ROR1: variants seen among roughly 807,000 people sequenced by gnomAD.
ROR1 encodes ROR family WNT receptor 1.
Under a neutral mutation model 78.8 loss-of-function variants are expected in ROR1, and 19 were observed. The ratio of observed to expected loss-of-function variants is 0.24; its 90% CI spans 0.17 to 0.35. ROR1 has a LOEUF of 0.35. ROR1 is among the 10% of genes least tolerant of loss of function. The pLI is 1.00. For synonymous variants in ROR1, 386 were observed against 433.6 expected (o/e 0.89, Z 1.36); for missense variants, 917 against 1,177.8 (o/e 0.78, Z 3.24).
chr1:64,147,615 C>A (rs561596048), intron 7 of ROR1, among the ~76,000 whole-genome samples: 5 of 152,204 alleles, frequency 3.3e-5, no homozygotes, highest in African/African-American at 9.6e-5. Context: ...ATCATGGAAT[C>A]CTATTTTTAT....
intron 1 of ROR1, among the ~76,000 whole-genome samples, chr1:63,831,411 A>C (rs982446726): frequency 3.3e-5 from 5 of 152,180 alleles, no homozygotes; most frequent in African/African-American, 1.2e-4. Flanking sequence ...CTGAAGCTCA[A>C]CTTTTGTCTT....
chr1:64,090,211 A>G (rs1455091137), intron 4 of ROR1, among the ~76,000 whole-genome samples: 1 of 152,208 alleles, frequency 6.6e-6, no homozygotes, highest in Non-Finnish European at 1.5e-5. Flanking sequence ...CAATGTCCAG[A>G]TCAATTGCAT....
chr1:64,035,240 T>G (rs981544187), intron 2 of ROR1, among the ~76,000 whole-genome samples: 1 of 152,190 alleles, frequency 6.6e-6, no homozygotes, highest in African/African-American at 2.4e-5. Context: ...AATTTGAAAA[T>G]TAACTGATTT....
chr1:63,838,864 A>C (rs1645033602), intron 1 of ROR1, among the ~76,000 whole-genome samples: 2 of 152,156 alleles, frequency 1.3e-5, no homozygotes, highest in African/African-American at 4.8e-5. Flanking sequence ...CTGTATTTTT[A>C]CTGCATCTTT....
At chr1:63,999,706 G>A (rs1646367504) in intron 1 of ROR1, among the ~76,000 whole-genome samples, 1 of 152,094 alleles carries the variant, frequency 6.6e-6, no homozygotes, top group South Asian at 2.1e-4. Flanking sequence ...ATGGATGGAT[G>A]GATAAATCAA....
intron 1 of ROR1, among the ~76,000 whole-genome samples, chr1:63,938,152 A>G (rs906139416): frequency 1.3e-5 from 2 of 152,188 alleles, no homozygotes; most frequent in Non-Finnish European, 2.9e-5. Context: ...TATCAGAAAA[A>G]AAATGTGTCT....
chr1:63,884,412 T>G (rs1645343275), intron 1 of ROR1, among the ~76,000 whole-genome samples: 1 of 152,098 alleles, frequency 6.6e-6, no homozygotes, highest in Non-Finnish European at 1.5e-5. Context: ...TGCCATGATC[T>G]GAGGATACCA....
intron 1 of ROR1, among the ~76,000 whole-genome samples, chr1:63,906,804 G>A (rs1256979028): frequency 6.6e-6 from 1 of 152,178 alleles, no homozygotes; most frequent in East Asian, 1.9e-4. Context: ...TCACCACTGA[G>A]GCATATGTAC....
At chr1:63,951,556 A>G (rs749185347) in intron 1 of ROR1, among the ~76,000 whole-genome samples, 3 of 152,190 alleles carry the variant, frequency 2.0e-5, no homozygotes, top group Non-Finnish European at 2.9e-5. Flanking sequence ...AGAGAGAATG[A>G]TCTCTCACAC....
Position 63,937,474 on chromosome 1 carries a change from T to C in ROR1, c.92-71831T>C, listed in dbSNP as rs565970932. ...GCCCACTTTAGAGCGCAGACATCCT[T>C]CTAACTTCTGCAGATGTCATTGAAG... On this transcript the variant is annotated intron_variant, in intron 1 of 8. Transcript: ENST00000371079. Among the ~76,000 whole-genome samples the C allele has an allele frequency of 2.6e-5, 4 of 152,316 alleles. No individual in the cohort carries two copies. In the East Asian group the frequency reaches 5.8e-4, roughly 22 times the overall value.
Position 64,142,502 on chromosome 1 carries a change from C to CCA in ROR1, c.1036_1037dup (p.Phe347LeufsTer10). On this transcript the variant is annotated frameshift_variant, in exon 7 of 9. Coordinates refer to ENST00000371079, the MANE Select transcript of ROR1 (RefSeq NM_005012.4). LOFTEE classifies it high-confidence loss of function. The stretch of plus-strand genomic sequence containing the variant: ...GCCAGCCATGGAATTCCCAGTATCC[C>CCA]CACACACACACTTTCACCGCCCTTC... 2 of 1,614,132 alleles carry CCA rather than the reference C, an allele frequency of 1.2e-6. No individual in the cohort carries two copies. The highest frequency in any genetic ancestry group is 1.7e-6 in the Non-Finnish European group (2 of 1,180,010).
At chr1:63,937,034 C>T (rs1645799246) in intron 1 of ROR1, among the ~76,000 whole-genome samples, 1 of 152,112 alleles carries the variant, frequency 6.6e-6, no homozygotes, top group Non-Finnish European at 1.5e-5. Flanking sequence ...GTTTTTAGAG[C>T]TAGAAGCCAA....
At chr1:63,986,232 A>G (rs6668610) in intron 1 of ROR1, among the ~76,000 whole-genome samples, 1 of 152,062 alleles carries the variant, frequency 6.6e-6, no homozygotes, top group Non-Finnish European at 1.5e-5. Context: ...CCCTCCCTCT[A>G]CCTCCCTTTT....
chr1:64,022,092 A>G (rs1646569622), intron 2 of ROR1, among the ~76,000 whole-genome samples: 2 of 152,212 alleles, frequency 1.3e-5, no homozygotes, highest in Non-Finnish European at 2.9e-5. Context: ...GATACATGCC[A>G]TAACATGGAT....
At chr1:63,992,135 T>C (rs1646301182) in intron 1 of ROR1, among the ~76,000 whole-genome samples, 1 of 152,072 alleles carries the variant, frequency 6.6e-6, no homozygotes, top group Admixed American at 6.5e-5. Context: ...TACTGTGTGA[T>C]ACATTAAATA....
At chr1:63,877,761 A>G (rs1645297022) in intron 1 of ROR1, among the ~76,000 whole-genome samples, 1 of 152,194 alleles carries the variant, frequency 6.6e-6, no homozygotes. Flanking sequence ...AGGAAAATTT[A>G]TCAGCTCCTA....
rs892248306 is a variant in ROR1 at position 64,062,443 on chromosome 1, C to G, written c.482+11727C>G. Among the ~76,000 whole-genome samples the G allele has an allele frequency of 7.2e-5, 11 of 152,046 alleles. 1 individual carries two copies. The highest frequency in any genetic ancestry group is 1.5e-4 in the Non-Finnish European group (10 of 67,956). On this transcript the variant is annotated intron_variant, in intron 4 of 8. Coordinates refer to ENST00000371079, the MANE Select transcript of ROR1 (RefSeq NM_005012.4). ...TCTCCTGCCTCAGCCTCCCGGGTAG[C>G]TGGGACTACAGGCGCCCGCCACCAT...
At chr1:63,979,751 G>A (rs932524095) in intron 1 of ROR1, among the ~76,000 whole-genome samples, 4 of 152,138 alleles carry the variant, frequency 2.6e-5, no homozygotes, top group Non-Finnish European at 5.9e-5. Context: ...CATGATGAAA[G>A]GCCATCATAA....
intron 2 of ROR1, among the ~76,000 whole-genome samples, chr1:64,014,773 T>TATATATATATATATATATATATATACAC (rs71056017): frequency 1.3e-4 from 6 of 46,992 alleles, no homozygotes; most frequent in Admixed American, 3.2e-4. Context: ...TATATATATA[T>TATATATATATATATATATATATATACAC]ACACATTTTG....
Sources: gnomAD v4.1 joint callset for allele counts (sites outside exome capture counted in the v4.1 genomes callset) on GRCh38, gnomAD v4.1.1 for gene constraint, MANE v1.5 for transcripts, NCBI Gene and HGNC (gene_info 2026-07-23, HGNC 2026-07-21) for gene names.